The following DIAPH3 variants were observed in gnomAD, a reference collection of about 807,000 sequenced individuals.
DIAPH3 encodes protein diaphanous homolog 3.
DIAPH3 carries 117 observed loss-of-function variants against 144.3 expected under a neutral mutation model. The observed-to-expected ratio is 0.81, with a 90% CI of 0.70 to 0.95. DIAPH3 has a LOEUF of 0.95. Ranked by LOEUF, DIAPH3 falls within the 40% of genes least tolerant of loss-of-function variation. The pLI is 0.00. For synonymous variants in DIAPH3, 519 were observed against 488.9 expected, an observed-to-expected ratio of 1.06 and a Z score of -0.81; for missense variants, 1,421 against 1,412.7, an observed-to-expected ratio of 1.01 and a Z score of -0.09.
intron 27 of DIAPH3, among the ~76,000 whole-genome samples, chr13:59,713,513 A>G (rs1323323785): frequency 6.6e-6 from 1 of 152,218 alleles, no homozygotes; most frequent in Admixed American, 6.5e-5. Context: ...GGGAAGTAGT[A>G]TTCAAAGGGA....
At chr13:60,101,509 T>C (rs2058267684) in intron 3 of DIAPH3, among the ~76,000 whole-genome samples, 1 of 151,642 alleles carries the variant, frequency 6.6e-6, no homozygotes, top group East Asian at 1.9e-4. Context: ...CCATGAGATA[T>C]TTTTGCGATT....
intron 21 of DIAPH3, among the ~76,000 whole-genome samples, chr13:59,875,370 T>G (rs2044549315): frequency 6.6e-6 from 1 of 152,166 alleles, no homozygotes; most frequent in Non-Finnish European, 1.5e-5. Flanking sequence ...GCAAGGTACT[T>G]ACACCATTTT....
At chr13:59,933,241 A>G (rs1218164659) in intron 17 of DIAPH3, among the ~76,000 whole-genome samples, 1 of 152,232 alleles carries the variant, frequency 6.6e-6, no homozygotes, top group African/African-American at 2.4e-5. Context: ...AACAGGTTCT[A>G]CATCCCAGCC....
intron 20 of DIAPH3, among the ~76,000 whole-genome samples, chr13:59,900,256 C>T (rs947856893): frequency 1.3e-5 from 2 of 152,174 alleles, no homozygotes; most frequent in African/African-American, 4.8e-5. Flanking sequence ...GTTCATAATA[C>T]AGGAACTATA....
At chr13:60,007,098 C>T (rs1054820345) in intron 9 of DIAPH3, among the ~76,000 whole-genome samples, 2 of 151,958 alleles carry the variant, frequency 1.3e-5, no homozygotes, top group Non-Finnish European at 2.9e-5. Flanking sequence ...GTCACCCAGG[C>T]TGGAGTGCAG....
intron 2 of DIAPH3, among the ~76,000 whole-genome samples, chr13:60,129,001 G>A (rs1245048326): frequency 6.6e-6 from 1 of 152,092 alleles, no homozygotes; most frequent in African/African-American, 2.4e-5. Context: ...CATTGCTGCA[G>A]GCCAAACAGT....
At chr13:59,905,342 C>CAAAAAAAAAAAAAAAAAAAA (rs59114311) in intron 20 of DIAPH3, among the ~76,000 whole-genome samples, 5 of 69,754 alleles carry the variant, frequency 7.2e-5, no homozygotes, top group Admixed American at 1.9e-4. Flanking sequence ...GACTCTGTCT[C>CAAAAAAAAAAAAAAAAAAAA]AAAAAAAAAA....
At chr13:60,118,041 T>C (rs777504545) in intron 2 of DIAPH3, among the ~76,000 whole-genome samples, 52 of 152,178 alleles carry the variant, frequency 3.4e-4, no homozygotes, top group Non-Finnish European at 6.3e-4. Flanking sequence ...TAATGCCATT[T>C]GGAGATGGTA....
In DIAPH3 at chr13:59,911,762, T is replaced by G. The variant is rs377631849; in HGVS notation, c.2340A>C (p.Leu780Phe). 1.2e-6 allele frequency: 2 copies of G among 1,613,658 alleles called. No homozygotes were observed. Among genetic ancestry groups the G allele is most frequent in the African/African-American group, 2.7e-5 (2 of 75,046 alleles). The change falls in exon 20 of 28, where the codon TTA becomes TTC. Residue 780 changes from leucine to phenylalanine, a missense_variant. Transcript: ENST00000400324. ...LSQFKSEYSN[L>F]CEPEQFVVVM... ...CAACCACAAACTGCTCAGGTTCACA[T>G]AAGTTGCTATATTCACTCTTGAACT...
At chr13:59,854,880 C>T (rs1035412743) in intron 22 of DIAPH3, among the ~76,000 whole-genome samples, 10 of 152,122 alleles carry the variant, frequency 6.6e-5, no homozygotes, top group African/African-American at 2.2e-4. Flanking sequence ...AGCCTGTTAA[C>T]CTCCAAAAAG....
intron 1 of DIAPH3, among the ~76,000 whole-genome samples, chr13:60,162,229 A>T (rs1048044486): frequency 6.6e-6 from 1 of 152,222 alleles, no homozygotes; most frequent in Non-Finnish European, 1.5e-5. Context: ...AAATCCTTCA[A>T]TGAAACTTAA....
At chr13:59,959,611 C>T (rs1000120682) in intron 17 of DIAPH3, among the ~76,000 whole-genome samples, 10 of 152,084 alleles carry the variant, frequency 6.6e-5, no homozygotes, top group African/African-American at 2.4e-4. Flanking sequence ...ACTTGCTCGG[C>T]TATTGCTGGC....
intron 1 of DIAPH3, among the ~76,000 whole-genome samples, chr13:60,149,521 TAGA>T (rs1951686130): frequency 6.6e-6 from 1 of 151,858 alleles, no homozygotes; most frequent in African/African-American, 2.4e-5. Flanking sequence ...GAGGCTGAGG[TAGA>T]AGAACTACTT....
chr13:59,837,218 A>G (rs117869804), intron 23 of DIAPH3, among the ~76,000 whole-genome samples: 2,044 of 152,180 alleles, frequency 0.013, 32 homozygotes, highest in Non-Finnish European at 0.024. Context: ...GTGATATTTA[A>G]TGACAGGATG....
intron 27 of DIAPH3, among the ~76,000 whole-genome samples, chr13:59,713,038 C>T (rs1344127377): frequency 6.6e-6 from 1 of 152,124 alleles, no homozygotes; most frequent in African/African-American, 2.4e-5. Flanking sequence ...TGACAGGAGG[C>T]GGAGCTCAGT....
At chr13:60,062,806 A>C (rs1032608040) in intron 4 of DIAPH3, among the ~76,000 whole-genome samples, 8 of 152,230 alleles carry the variant, frequency 5.3e-5, no homozygotes, top group Non-Finnish European at 2.9e-5. Context: ...ATTAGGTCTT[A>C]AAACAACATA....
chr13:59,807,919 C>T (rs1358031196), intron 25 of DIAPH3, among the ~76,000 whole-genome samples: 1 of 151,530 alleles, frequency 6.6e-6, no homozygotes, highest in African/African-American at 2.4e-5. Context: ...AAACATAAAC[C>T]AGCTATTAAA....
intron 25 of DIAPH3, among the ~76,000 whole-genome samples, chr13:59,796,571 TA>T (rs2039618337): frequency 6.6e-6 from 1 of 152,232 alleles, no homozygotes. Flanking sequence ...ATGAGATTCA[TA>T]AATGAAAAGA....
intron 17 of DIAPH3, among the ~76,000 whole-genome samples, chr13:59,956,006 T>C (rs1448067130): frequency 6.6e-6 from 1 of 152,188 alleles, no homozygotes; most frequent in Non-Finnish European, 1.5e-5. Context: ...AAGATGTGAC[T>C]TGGGTGCTGT....
Sources: gnomAD v4.1 joint callset for allele counts (sites outside exome capture counted in the v4.1 genomes callset) on GRCh38, gnomAD v4.1.1 for gene constraint, MANE v1.5 for transcripts, NCBI Gene and HGNC (gene_info 2026-07-23, HGNC 2026-07-21) for gene names.